CLUAP1: variants seen among roughly 807,000 people sequenced by gnomAD.
CLUAP1 encodes the protein clusterin-associated protein 1.
A neutral mutation model predicts 55.0 loss-of-function variants in CLUAP1; 50 were observed. That is an observed-to-expected ratio of 0.91 (90% CI 0.72 to 1.15). The LOEUF (loss-of-function observed/expected upper bound fraction) is 1.15, where lower values mean the gene tolerates loss of function less well. Among genes scored for constraint, CLUAP1 ranks in the 50% most tolerant of loss-of-function variants. The probability of loss-of-function intolerance (pLI) is 0.00; values close to 1 mark genes in which losing one functional copy is unlikely to be tolerated. For missense variants in CLUAP1, 530 were observed against 507.6 expected (o/e 1.04, Z -0.42); for synonymous variants, 195 against 175.4 (o/e 1.11, Z -0.88).
intron 4 of CLUAP1, among the ~76,000 whole-genome samples, chr16:3,510,239 C>T (rs1370052234): frequency 6.6e-6 from 1 of 152,102 alleles, no homozygotes; most frequent in East Asian, 1.9e-4. Context: ...GGTGATCTGC[C>T]CGCCTCAGCC....
At chr16:3,529,454 T>TATAA (rs1463907444) in intron 9 of CLUAP1, among the ~76,000 whole-genome samples, 2 of 72,810 alleles carry the variant, frequency 2.7e-5, no homozygotes, top group East Asian at 6.1e-4. Flanking sequence ...TTATATATTA[T>TATAA]TATATATAAT....
intron 2 of CLUAP1, among the ~76,000 whole-genome samples, chr16:3,505,947 G>T (rs1478203244): frequency 6.6e-6 from 1 of 152,156 alleles, no homozygotes; most frequent in Non-Finnish European, 1.5e-5. Context: ...CTGACCCCTG[G>T]TTTCAATACC....
Position 3,520,108 on chromosome 16 carries a change from C to T in CLUAP1, c.713+72C>T, listed in dbSNP as rs562626901. ...TTCAAACAAACTGGGCGTGGTGGCT[C>T]ATGTCTGAAATCTCAGCTACTCATG... On this transcript the variant is annotated intron_variant, in intron 7 of 11. Transcript: ENST00000576634. 1.9e-4 allele frequency: 275 copies of T among 1,445,436 alleles called. 2 individuals are homozygous for T. In the South Asian group the frequency reaches 3.5e-3, roughly 18 times the overall value. The allele number at this position is 1,445,436 out of a possible 1,614,324, so 89.5% of individuals were successfully genotyped here.
In CLUAP1 at chr16:3,532,799, A is replaced by T. The variant is rs1424938385; in HGVS notation, c.1050A>T (p.Lys350Asn). 6.2e-7 allele frequency: 1 copy of T among 1,613,934 alleles called. No individual in the cohort carries two copies. Among genetic ancestry groups the T allele is most frequent in the Non-Finnish European group, 8.5e-7 (1 of 1,180,026 alleles). The change falls in exon 11 of 12, where the codon AAA becomes AAT. Residue 350 changes from lysine (K) to asparagine (N), a missense_variant. Transcript: ENST00000576634. ...MEMLMQGRPGKRIVGTMQGGD... is the reference protein window; with the variant it reads ...MEMLMQGRPGNRIVGTMQGGD... ...TGTTGTTCTCAGGAAGACCTGGCAA[A>T]CGCATTGTGGGCACGATGCAAGGTG...
chr16:3,511,035 G>A (rs893562367), intron 4 of CLUAP1, among the ~76,000 whole-genome samples: 4 of 152,186 alleles, frequency 2.6e-5, no homozygotes, highest in African/African-American at 7.2e-5. Context: ...ACTCTGACTC[G>A]CTCCACTTTT....
chr16:3,521,741 A>T (rs899018884), intron 7 of CLUAP1, among the ~76,000 whole-genome samples: 2 of 151,370 alleles, frequency 1.3e-5, no homozygotes, highest in Admixed American at 1.3e-4. Flanking sequence ...TGGCCTTTTT[A>T]AAAAATTTTT....
chr16:3,505,692 CAG>C (rs1024754744), intron 2 of CLUAP1, among the ~76,000 whole-genome samples: 2 of 152,058 alleles, frequency 1.3e-5, no homozygotes, highest in South Asian at 2.1e-4. Context: ...GGCAGAGTGA[CAG>C]GGGCCTTTTT....
At position 3,508,290 on chromosome 16, in the gene CLUAP1, C is replaced by T. The variant is rs1391290532; in HGVS notation, c.221C>T (p.Ala74Val). 1 of 1,586,556 alleles carries T rather than the reference C, an allele frequency of 6.3e-7. No homozygotes were observed. The change falls in exon 4 of 12, where the codon GCC becomes GTC. Residue 74 changes from alanine (A) to valine (V), a missense_variant and splice_region_variant. Coordinates refer to ENST00000576634, the MANE Select transcript of CLUAP1 (RefSeq NM_015041.3). ...TTTTTTTTTTTGGTCTAAAAATAGG[C>T]CACCAAGGCACATATAAAACTCAAC... The part of the protein sequence containing the change: ...FFIKAIAQFM[A>V]TKAHIKLNTK...
At chr16:3,519,776 T>C (rs2037797963) in intron 6 of CLUAP1, 127 bp from the exon 7 acceptor site, 1 of 860,280 alleles carries the variant, frequency 1.2e-6, no homozygotes, top group Non-Finnish European at 1.7e-6. Flanking sequence ...TGGGGAAGTG[T>C]CTATTTGTTT....
chr16:3,505,340 C>G (rs2037482325), intron 2 of CLUAP1, among the ~76,000 whole-genome samples: 1 of 152,052 alleles, frequency 6.6e-6, no homozygotes, highest in Admixed American at 6.6e-5. Flanking sequence ...ACCATCCTGG[C>G]TAACACGGTG....
chr16:3,496,873 C>CTTT (rs369156559), upstream of CLUAP1: 385 of 245,320 alleles, frequency 1.6e-3, no homozygotes, highest in East Asian at 3.5e-3. Flanking sequence ...TTTTTCTTTT[C>CTTT]TTTTTTTTTT....
chr16:3,504,803 T>G lies in CLUAP1; in HGVS notation c.106T>G (p.Ser36Ala), dbSNP rs1405820384. 6.2e-7 allele frequency: 1 copy of G among 1,610,226 alleles called. No individual in the cohort carries two copies. Among genetic ancestry groups the G allele is most frequent in the African/African-American group, 1.3e-5 (1 of 74,840 alleles). The change falls in exon 2 of 12, where the codon TCT (serine) becomes GCT (alanine). Residue 36 changes from serine to alanine, a missense_variant. Transcript: ENST00000576634. ...CCGTACACCCAATTTTGGACTTGTA[T>G]CTGAAGTGCTTCTCTGGCTTGTGAA... ...NFRTPNFGLV[S>A]EVLLWLVKRY...
chr16:3,519,188 C>T (rs1366513222), intron 6 of CLUAP1, among the ~76,000 whole-genome samples: 1 of 152,192 alleles, frequency 6.6e-6, no homozygotes, highest in East Asian at 1.9e-4. Flanking sequence ...CTTGTGTCAC[C>T]GTCAGTGGGC....
intron 3 of CLUAP1, among the ~76,000 whole-genome samples, chr16:3,507,586 T>G (rs1269110905): frequency 6.6e-6 from 1 of 150,752 alleles, no homozygotes. Flanking sequence ...TTAAAAACAT[T>G]ATGAAACAAA....
intron 10 of CLUAP1, among the ~76,000 whole-genome samples, chr16:3,531,131 G>T (rs1431418067): frequency 6.6e-6 from 1 of 152,012 alleles, no homozygotes; most frequent in Non-Finnish European, 1.5e-5. Context: ...GAGGCAGAAG[G>T]ATCATTTGAG....
rs1169470795 is a variant in CLUAP1, at chr16:3,501,020, C to G, written c.-48C>G. On this transcript the variant is annotated 5_prime_UTR_variant, in exon 1 of 12. Coordinates refer to ENST00000576634, the MANE Select transcript of CLUAP1 (RefSeq NM_015041.3). ...TCGTCGAGCGCTGGGCCTGTGATCGCTGAGGGGCGAGCAGTTGCGACCCTG... is the reference window on the plus strand; with the variant it reads ...TCGTCGAGCGCTGGGCCTGTGATCGGTGAGGGGCGAGCAGTTGCGACCCTG... 2.5e-6 allele frequency: 4 copies of G among 1,584,516 alleles called. No homozygotes were observed. The African/African-American group carries it at 4.0e-5, about 16-fold the overall frequency.
upstream of CLUAP1, among the ~76,000 whole-genome samples, chr16:3,497,163 G>T (rs2037323254): frequency 6.6e-6 from 1 of 151,236 alleles, no homozygotes; most frequent in Non-Finnish European, 1.5e-5. Flanking sequence ...GACCCACCGC[G>T]CCCAGCAACC....
intron 9 of CLUAP1, 80 bp downstream of exon 9, chr16:3,526,564 T>G (rs907532356): frequency 2.0e-5 from 16 of 783,558 alleles, no homozygotes; most frequent in Middle Eastern, 4.1e-4. Flanking sequence ...GAGATATATA[T>G]ATATTTTTTA....
At chr16:3,509,680 G>A (rs1466305163) in intron 4 of CLUAP1, among the ~76,000 whole-genome samples, 1 of 152,242 alleles carries the variant, frequency 6.6e-6, no homozygotes, top group Non-Finnish European at 1.5e-5. Flanking sequence ...ACCTAAGAGT[G>A]TGGCCACGCA....
Sources: gnomAD v4.1 joint callset for allele counts (sites outside exome capture counted in the v4.1 genomes callset) on GRCh38, gnomAD v4.1.1 for gene constraint, MANE v1.5 for transcripts, NCBI Gene and HGNC (gene_info 2026-07-23, HGNC 2026-07-21) for gene names.